The following SLC30A5 variants were observed in gnomAD, a reference collection of about 807,000 sequenced individuals.
SLC30A5 encodes the protein proton-coupled zinc antiporter SLC30A5.
In SLC30A5, 33 loss-of-function variants were observed where a neutral mutation model predicts 79.6. The ratio of observed to expected loss-of-function variants is 0.41; its 90% CI spans 0.31 to 0.55. The LOEUF (loss-of-function observed/expected upper bound fraction) is 0.55, where lower values mean the gene tolerates loss of function less well. SLC30A5 is among the 20% of genes least tolerant of loss of function. The pLI is 0.20. For missense variants in SLC30A5, 788 were observed against 928.1 expected (o/e 0.85, Z 1.96); for synonymous variants, 299 against 319.7 (o/e 0.94, Z 0.69).
rs201189759 is a variant in SLC30A5, at chr5:69,112,607, G to GA, written c.448-518dup. On this transcript the variant is annotated intron_variant, in intron 5 of 15. Coordinates refer to ENST00000396591, the MANE Select transcript of SLC30A5 (RefSeq NM_022902.5). ...GCCTGGGCGACAGCGAGATCTGTCT[G>GA]AAAAAAAAAAAAAAATTTTCCCTGG... is the stretch of plus-strand genomic sequence containing the variant. Among the ~76,000 whole-genome samples, 478 of 135,854 alleles carry GA rather than the reference G, an allele frequency of 3.5e-3. 1 individual carries two copies. Among genetic ancestry groups the GA allele is most frequent in the Middle Eastern group, 0.012 (3 of 254 alleles). The allele number at this position is 135,854 out of a possible 152,430, so 89.1% of individuals were successfully genotyped here.
At chr5:69,120,838 G>T (rs186537803) in intron 12 of SLC30A5, among the ~76,000 whole-genome samples, 2 of 152,212 alleles carry the variant, frequency 1.3e-5, no homozygotes, top group East Asian at 3.9e-4. Flanking sequence ...AAAACAAATG[G>T]ATTGCTTTAA....
intron 7 of SLC30A5, 46 bp from the exon 8 acceptor site, chr5:69,115,191 T>C: frequency 7.8e-7 from 1 of 1,279,554 alleles, no homozygotes; most frequent in Non-Finnish European, 1.1e-6. Flanking sequence ...GACTGACTGT[T>C]GAACTGTGTG....
Position 69,129,713 on chromosome 5 carries a change from G to A in SLC30A5, c.*96G>A. 1 of 1,142,694 alleles carries A rather than the reference G, an allele frequency of 8.8e-7. No homozygotes were observed. Among genetic ancestry groups the A allele is most frequent in the Non-Finnish European group, 1.2e-6 (1 of 828,296 alleles). The allele number at this position is 1,142,694 out of a possible 1,614,324, so 70.8% of individuals were successfully genotyped here. On this transcript the variant is annotated 3_prime_UTR_variant, in exon 16 of 16. Transcript: ENST00000396591. Reference sequence around the variant, plus strand: ...GAAGGATAAAAATTACACATTAACTGTACAGAAACAGAGTTCCCTACTACT... The same window carrying A: ...GAAGGATAAAAATTACACATTAACTATACAGAAACAGAGTTCCCTACTACT...
In SLC30A5 at chr5:69,118,147, A is replaced by C. The variant is rs1297138830; in HGVS notation, c.1440-352A>C. On this transcript the variant is annotated intron_variant, in intron 11 of 15. Coordinates refer to ENST00000396591, the MANE Select transcript of SLC30A5 (RefSeq NM_022902.5). ...AGCCAAGATCGTGCCACTGCACTCC[A>C]GCCTGGGTGACAGAGCAAGACTCTG... Among the ~76,000 whole-genome samples, 31 of 147,636 alleles carry C rather than the reference A, an allele frequency of 2.1e-4. No homozygotes were observed. The South Asian group carries it at 4.7e-3, about 23-fold the overall frequency.
chr5:69,097,068 C>A (rs1005156397), intron 1 of SLC30A5, among the ~76,000 whole-genome samples: 1 of 151,046 alleles, frequency 6.6e-6, no homozygotes, highest in African/African-American at 2.4e-5. Context: ...ACAAAAAACA[C>A]CCTTAGAGAT....
chr5:69,109,298 G>A (rs926443306), intron 5 of SLC30A5, among the ~76,000 whole-genome samples: 7 of 150,964 alleles, frequency 4.6e-5, no homozygotes, highest in East Asian at 1.9e-4. Context: ...AAAACATCTC[G>A]TATACCCCAT....
rs780926746 is a variant in SLC30A5 at position 69,108,342 on chromosome 5, T to G, written c.360-7T>G. On this transcript the variant is annotated splice_polypyrimidine_tract_variant and splice_region_variant and intron_variant, in intron 4 of 15. Transcript: ENST00000396591. ...ATTTCATAAATGATAATGTTTTATT[T>G]TTGTAGGACTTTGCTGCTATTTGAG... 1 of 1,603,264 alleles carries G rather than the reference T, an allele frequency of 6.2e-7. No homozygotes were observed. Among genetic ancestry groups the G allele is most frequent in the Admixed American group, 1.7e-5 (1 of 59,820 alleles).
intron 14 of SLC30A5, among the ~76,000 whole-genome samples, chr5:69,126,773 AAAAC>A (rs1322993898): frequency 3.6e-4 from 54 of 151,218 alleles, no homozygotes; most frequent in African/African-American, 2.4e-4. Context: ...CTGTCTTAAA[AAAAC>A]AAACAAACAA....
At chr5:69,125,538 A>C (rs1746655694) in intron 14 of SLC30A5, among the ~76,000 whole-genome samples, 2 of 146,032 alleles carry the variant, frequency 1.4e-5, no homozygotes, top group South Asian at 4.4e-4. Context: ...TTCCCCACAC[A>C]CAAAAAAAAA....
chr5:69,104,115 G>T, intron 3 of SLC30A5: 1 of 1,442,310 alleles, frequency 6.9e-7, no homozygotes, highest in Non-Finnish European at 9.2e-7. Flanking sequence ...ATAGATAATG[G>T]AAAACAGAAT....
chr5:69,115,344 A>C lies in SLC30A5; in HGVS notation c.720A>C (p.Leu240Phe). ...GTGGAGCTAAACGTCTTCAAGCTTTATCTCATCTTGTTTCTGTGCTTCTCT... is the reference window on the plus strand; with the variant it reads ...GTGGAGCTAAACGTCTTCAAGCTTTCTCTCATCTTGTTTCTGTGCTTCTCT... The part of the protein sequence containing the change: ...DVGGAKRLQA[L>F]SHLVSVLLLC... Residue 240 changes from leucine (L) to phenylalanine (F), a missense_variant, in exon 8 of 16, where the codon TTA (leucine) becomes TTC (phenylalanine). By Grantham distance (22) the Leu-to-Phe change is conservative (BLOSUM62 0). Transcript: ENST00000396591. 2 of 1,614,026 alleles carry C rather than the reference A, an allele frequency of 1.2e-6. No individual in the cohort carries two copies. Among genetic ancestry groups the C allele is most frequent in the Non-Finnish European group, 1.7e-6 (2 of 1,179,998 alleles).
rs147340422 is a variant in SLC30A5, at chr5:69,114,436, C to G, written c.552C>G (p.Asp184Glu). The G allele has an allele frequency of 6.1e-4, 978 of 1,608,878 alleles. No homozygotes were observed. Among genetic ancestry groups the G allele is most frequent in the Non-Finnish European group, 7.6e-4 (891 of 1,175,666 alleles). Reference sequence around the variant, plus strand: ...CTCACTTAGCTGAAGGACATCATGACAGTGCTCTAACTCATATGCTTTACA... The same window carrying G: ...CTCACTTAGCTGAAGGACATCATGAGAGTGCTCTAACTCATATGCTTTACA... ...KMAEHPEGHH[D>E]SALTHMLYTA... Residue 184 changes from aspartate (D) to glutamate (E), a missense_variant, in exon 7 of 16, where the codon GAC becomes GAG. By Grantham distance (45) the Asp-to-Glu change is conservative. Coordinates refer to ENST00000396591, the MANE Select transcript of SLC30A5 (RefSeq NM_022902.5).
chr5:69,114,311 C>A, intron 6 of SLC30A5, 109 bp from the exon 7 acceptor site: 2 of 579,492 alleles, frequency 3.5e-6, no homozygotes, highest in Non-Finnish European at 6.2e-6. Context: ...TTGAGGCCTC[C>A]AGATCAGTCT....
At chr5:69,105,247 G>A (rs868244059) in intron 4 of SLC30A5, among the ~76,000 whole-genome samples, 28 of 152,302 alleles carry the variant, frequency 1.8e-4, no homozygotes, top group African/African-American at 6.3e-4. Context: ...TTTTCTGCAA[G>A]TGGACTGGTT....
In SLC30A5 at chr5:69,103,042, T is replaced by C; in HGVS notation, c.207-20T>C. On this transcript the variant is annotated intron_variant, in intron 2 of 15. Coordinates refer to ENST00000396591, the MANE Select transcript of SLC30A5 (RefSeq NM_022902.5). ...TTAATATGGATTAATATTAATATAT[T>C]AATGTTTCAATATTTACAGGACTGC... 7.9e-7 allele frequency: 1 copy of C among 1,269,078 alleles called. No homozygotes were observed. Among genetic ancestry groups the C allele is most frequent in the Non-Finnish European group, 1.1e-6 (1 of 883,624 alleles). 78.6% of individuals were successfully genotyped at this position (1,269,078 alleles called of 1,614,324 possible).
intron 4 of SLC30A5, among the ~76,000 whole-genome samples, 177 bp downstream of exon 4, chr5:69,104,893 T>C (rs1387233658): frequency 6.6e-6 from 1 of 152,242 alleles, no homozygotes; most frequent in Non-Finnish European, 1.5e-5. Flanking sequence ...ACTAGTTCTT[T>C]AGTGAATACC....
rs953459659 is a variant in SLC30A5 at position 69,113,015 on chromosome 5, G to GT, written c.448-119dup. ...GAGCTTTAATGTCAGATTTTTTTCT[G>GT]TTTTTTAATGCATTTTTGTAAATGC... On this transcript the variant is annotated intron_variant, in intron 5 of 15. Transcript: ENST00000396591. The GT allele has an allele frequency of 8.3e-6, 6 of 725,166 alleles. No homozygotes were observed. The Admixed American group carries it at 8.7e-5, about 11-fold the overall frequency. 44.9% of individuals were successfully genotyped at this position (725,166 alleles called of 1,614,324 possible).
At chr5:69,101,016 A>G in intron 2 of SLC30A5, 87 bp downstream of exon 2, 1 of 1,313,476 alleles carries the variant, frequency 7.6e-7, no homozygotes, top group Non-Finnish European at 1.0e-6. Flanking sequence ...AACTTTACAT[A>G]CAATATTTTG....
At chr5:69,100,998 C>A in intron 2 of SLC30A5, 69 bp downstream of exon 2, 1 of 1,397,872 alleles carries the variant, frequency 7.2e-7, no homozygotes, top group Non-Finnish European at 9.6e-7. Flanking sequence ...AACAGAGTAT[C>A]TTTAAGAAAC....
Sources: gnomAD v4.1 joint callset for allele counts (sites outside exome capture counted in the v4.1 genomes callset) on GRCh38, gnomAD v4.1.1 for gene constraint, MANE v1.5 for transcripts, NCBI Gene and HGNC (gene_info 2026-07-23, HGNC 2026-07-21) for gene names.